DRC8: variants seen among roughly 807,000 people sequenced by gnomAD.
DRC8 encodes dynein regulatory complex protein 8.
At chr1:245,087,411 T>C in the DRC8 span, 1 of 1,537,456 alleles carries the variant, frequency 6.5e-7, no homozygotes, top group Non-Finnish European at 8.7e-7. Flanking sequence ...AAATTGCTTG[T>C]TCTTGTTAAT....
At chr1:245,005,333 G>A in the DRC8 span, among the ~76,000 whole-genome samples, 1 of 151,714 alleles carries the variant, frequency 6.6e-6, no homozygotes, top group Non-Finnish European at 1.5e-5. Context: ...AAGATTTTGT[G>A]AAGGATTGGT....
At chr1:245,122,109 G>A in the DRC8 span, 5 of 179,244 alleles carry the variant, frequency 2.8e-5, no homozygotes, top group Non-Finnish European at 2.8e-5. Context: ...ATGGTCTGGT[G>A]ACCTCCTGGT....
At chr1:245,000,594 C>T in the DRC8 span, among the ~76,000 whole-genome samples, 3 of 152,074 alleles carry the variant, frequency 2.0e-5, no homozygotes, top group Non-Finnish European at 4.4e-5. Flanking sequence ...TCCCAGCTAA[C>T]ACGGTGAAAC....
At chr1:245,089,095 G>C in the DRC8 span, among the ~76,000 whole-genome samples, 2 of 152,140 alleles carry the variant, frequency 1.3e-5, no homozygotes, top group Non-Finnish European at 2.9e-5. The surrounding 1 kb of genome is among the most constrained non-coding windows in gnomAD (Gnocchi z 4.8). Context: ...TAGGCTATTT[G>C]GTTGGTGGGA....
At chr1:245,080,844 A>G in the DRC8 span, among the ~76,000 whole-genome samples, 1 of 152,296 alleles carries the variant, frequency 6.6e-6, no homozygotes, top group East Asian at 1.9e-4. Context: ...TATCACTGTC[A>G]TGGACAAGAA....
chr1:245,031,237 C>T, the DRC8 span, among the ~76,000 whole-genome samples: 3 of 152,080 alleles, frequency 2.0e-5, no homozygotes, highest in South Asian at 6.2e-4. Context: ...TCATGGTGGT[C>T]GGCTGTGGTG....
chr1:245,092,801 T>C, the DRC8 span, among the ~76,000 whole-genome samples: 1 of 152,196 alleles, frequency 6.6e-6, no homozygotes, highest in Non-Finnish European at 1.5e-5. Context: ...ACATTTAATA[T>C]TGCTGAGCTT....
At chr1:244,982,698 C>T in the DRC8 span, among the ~76,000 whole-genome samples, 2 of 152,092 alleles carry the variant, frequency 1.3e-5, no homozygotes, top group African/African-American at 4.8e-5. Context: ...GAAAAAACAA[C>T]ACCCAAGAAC....
At chr1:245,071,454 C>T in the DRC8 span, among the ~76,000 whole-genome samples, 5 of 152,178 alleles carry the variant, frequency 3.3e-5, no homozygotes, top group African/African-American at 9.7e-5. Context: ...GAAGAAAGGA[C>T]GTCGTTGCTA....
the DRC8 span, among the ~76,000 whole-genome samples, chr1:245,074,299 A>G: frequency 6.6e-6 from 1 of 152,236 alleles, no homozygotes; most frequent in Non-Finnish European, 1.5e-5. Flanking sequence ...GTGGGGTTGA[A>G]GAGTATCTTA....
the DRC8 span, among the ~76,000 whole-genome samples, chr1:245,070,449 T>C: frequency 1.3e-5 from 2 of 152,222 alleles, no homozygotes; most frequent in African/African-American, 2.4e-5. Context: ...CCAGAGGGCC[T>C]TGTGAAGCAA....
the DRC8 span, among the ~76,000 whole-genome samples, chr1:245,035,186 CT>C: frequency 0.65 from 84,647 of 130,252 alleles, 25,833 homozygotes; most frequent in East Asian, 0.78. Context: ...TCCTGGTTGC[CT>C]TTTTTTTTTT....
the DRC8 span, among the ~76,000 whole-genome samples, chr1:244,999,328 C>T: frequency 6.6e-6 from 1 of 151,946 alleles, no homozygotes; most frequent in South Asian, 2.1e-4. Context: ...CCTGGAATCC[C>T]TTCACTTGTT....
At chr1:244,973,583 C>T in the DRC8 span, among the ~76,000 whole-genome samples, 1 of 152,198 alleles carries the variant, frequency 6.6e-6, no homozygotes, top group Admixed American at 6.5e-5. Context: ...TTCCCCTCTG[C>T]TTTACCGGTA....
chr1:245,017,152 C>T, the DRC8 span: 15 of 1,227,234 alleles, frequency 1.2e-5, no homozygotes, highest in Admixed American at 3.3e-4. Flanking sequence ...CATATGCTTA[C>T]TTATTAAGAT....
chr1:244,985,380 G>T, the DRC8 span, among the ~76,000 whole-genome samples: 3 of 152,204 alleles, frequency 2.0e-5, no homozygotes, highest in African/African-American at 7.2e-5. Flanking sequence ...GTCAAATGAG[G>T]AGCATAGCAG....
chr1:245,109,793 A>G, the DRC8 span, among the ~76,000 whole-genome samples: 7 of 152,232 alleles, frequency 4.6e-5, no homozygotes, highest in African/African-American at 1.7e-4. Flanking sequence ...TCTCTGCTAC[A>G]AAGCCTGTGC....
chr1:245,003,210 T>G, the DRC8 span, among the ~76,000 whole-genome samples: 1 of 152,234 alleles, frequency 6.6e-6, no homozygotes, highest in South Asian at 2.1e-4. Context: ...TTGGGCTGTT[T>G]CCACCTTCTG....
chr1:244,970,136 G>A, the DRC8 span: 459 of 682,166 alleles, frequency 6.7e-4, no homozygotes, highest in African/African-American at 2.9e-3. Flanking sequence ...CTAGGCCCGG[G>A]ACAAGTCCGG....
Sources: gnomAD v4.1 joint callset for allele counts (sites outside exome capture counted in the v4.1 genomes callset) on GRCh38, gnomAD v4.1.1 for gene constraint, Gnocchi (gnomAD v3.1) non-coding constraint, MANE v1.5 for transcripts, NCBI Gene and HGNC (gene_info 2026-07-23, HGNC 2026-07-21) for gene names.